Variants in STOML1 observed in about 807,000 individuals in gnomAD.
STOML1 encodes stomatin-like protein 1.
STOML1 carries 27 observed loss-of-function variants against 35.7 expected under a neutral mutation model. The ratio of observed to expected loss-of-function variants is 0.76; its 90% CI spans 0.56 to 1.04. The LOEUF is 1.04. STOML1 is among the 50% of genes least tolerant of loss of function. The probability of loss-of-function intolerance (pLI) is 0.00; values close to 1 mark genes in which losing one functional copy is unlikely to be tolerated. For synonymous variants in STOML1, 219 were observed against 227.9 expected, an observed-to-expected ratio of 0.96 and a Z score of 0.35; for missense variants, 451 against 527.1, an observed-to-expected ratio of 0.86 and a Z score of 1.41.
intron 1 of STOML1, chr15:73,990,911 C>T (rs567474864): frequency 6.5e-7 from 1 of 1,529,682 alleles, no homozygotes; most frequent in Non-Finnish European, 8.7e-7. Context: ...CAGAAGTGTG[C>T]TTTCCAGGAG....
At chr15:73,990,786 C>G in intron 1 of STOML1, 1 of 1,534,012 alleles carries the variant, frequency 6.5e-7, no homozygotes, top group Non-Finnish European at 8.7e-7. Context: ...GGTCAATCCT[C>G]TCGTTTAATT....
chr15:73,984,601 A>G, intron 6 of STOML1, 58 bp downstream of exon 6: 1 of 1,585,946 alleles, frequency 6.3e-7, no homozygotes, highest in Non-Finnish European at 8.6e-7. Flanking sequence ...CCACTGGGGT[A>G]GGTAACAAGA....
Position 73,990,412 on chromosome 15 carries a change from CTGATGAGGCCA to C in STOML1, c.168_178del (p.His56GlnfsTer53). On this transcript the variant is annotated frameshift_variant, in exon 2 of 7. Coordinates refer to ENST00000541638, the MANE Select transcript of STOML1 (RefSeq NM_004809.5). LOFTEE classifies it high-confidence loss of function. ...CAACAGCAGCAAGAACCCCAGGAAACTGATGAGGCCATGACAGAGGCAGGAGGGCCAGCTCT... is the reference window on the plus strand; with the variant it reads ...CAACAGCAGCAAGAACCCCAGGAAACTGACAGAGGCAGGAGGGCCAGCTCT... 6.2e-7 allele frequency: 1 copy of C among 1,614,148 alleles called. No individual in the cohort carries two copies. The highest frequency in any genetic ancestry group is 8.5e-7 in the Non-Finnish European group (1 of 1,180,012).
At position 73,983,100 on chromosome 15, in the gene STOML1, GGTCT is replaced by G. The variant is rs1372248089; in HGVS notation, c.*833_*836del. 1 of 152,122 alleles carries G rather than the reference GGTCT, an allele frequency of 6.6e-6. No individual in the cohort carries two copies. Among genetic ancestry groups the G allele is most frequent in the Non-Finnish European group, 1.5e-5 (1 of 68,036 alleles). 9.4% of individuals were successfully genotyped at this position (152,122 alleles called of 1,614,324 possible). A position where few individuals can be genotyped will look rare whatever the true frequency, so the allele number is the denominator to read the frequency against. On this transcript the variant is annotated 3_prime_UTR_variant, in exon 7 of 7. Transcript: ENST00000541638. ...GAGAAGGAGCTTCAAATATTGTGAGGGTCTGTCTGTGTCAGCCACCAGGATGTCA... is the reference window on the plus strand; with the variant it reads ...GAGAAGGAGCTTCAAATATTGTGAGGGTCTGTGTCAGCCACCAGGATGTCA...
chr15:73,991,781 G>C (rs750211687), intron 1 of STOML1: 4 of 572,268 alleles, frequency 7.0e-6, no homozygotes, highest in Non-Finnish European at 1.3e-5. Flanking sequence ...ATGCGAAATA[G>C]AAACCTGAAA....
intron 3 of STOML1, 39 bp downstream of exon 3, chr15:73,989,069 C>T (rs762493476): frequency 7.1e-6 from 11 of 1,545,792 alleles, no homozygotes; most frequent in Non-Finnish European, 6.1e-6. Flanking sequence ...CTGGACAGGC[C>T]CCCAGTTCCT....
intron 4 of STOML1, chr15:73,985,888 A>T (rs1189800773): frequency 8.7e-6 from 2 of 230,880 alleles, no homozygotes; most frequent in African/African-American, 4.7e-5. Flanking sequence ...TGAGGACTGG[A>T]GACAGCTGAG....
upstream of STOML1, chr15:73,992,368 C>T (rs969462225): frequency 1.3e-5 from 12 of 959,310 alleles, no homozygotes; most frequent in East Asian, 3.6e-5. Flanking sequence ...AAGAGGAGGC[C>T]GGCCGGGGCC....
rs7171694 is a variant in STOML1 at position 73,985,683 on chromosome 15, T to A, written c.595-170A>T. On this transcript the variant is annotated intron_variant, in intron 4 of 6. Transcript: ENST00000541638. Reference sequence around the variant, plus strand: ...GCAATGACCTTTCAGCTGTGGTAAGTGCCAAGACAGAAGCAAGGCCTGTGG... The same window carrying A: ...GCAATGACCTTTCAGCTGTGGTAAGAGCCAAGACAGAAGCAAGGCCTGTGG... The A allele has an allele frequency of 0.3, 237,470 of 793,866 alleles. 36,866 individuals carry two copies. Among genetic ancestry groups the A allele is most frequent in the African/African-American group, 0.36 (19,239 of 53,810 alleles). 49.2% of individuals were successfully genotyped at this position (793,866 alleles called of 1,614,324 possible). A position where few individuals can be genotyped will look rare whatever the true frequency, so the allele number is the denominator to read the frequency against.
At position 73,988,514 on chromosome 15, in the gene STOML1, G is replaced by A; in HGVS notation, c.594+85C>T. On this transcript the variant is annotated intron_variant, in intron 4 of 6. Coordinates refer to ENST00000541638, the MANE Select transcript of STOML1 (RefSeq NM_004809.5). The surrounding 1 kb of genome is among the most constrained non-coding windows in gnomAD (Gnocchi z 4.8). ...ATATGGTAAACTGAGGCCCAGAGTG[G>A]TCTGACTCTTTTCTCAAAGTGACCT... The A allele has an allele frequency of 6.6e-7, 1 of 1,513,546 alleles. No individual in the cohort carries two copies. Among genetic ancestry groups the A allele is most frequent in the Non-Finnish European group, 9.0e-7 (1 of 1,112,102 alleles). The allele number at this position is 1,513,546 out of a possible 1,614,324, so 93.8% of individuals were successfully genotyped here. A position where few individuals can be genotyped will look rare whatever the true frequency, so the allele number is the denominator to read the frequency against.
In STOML1 at chr15:73,984,869, C is replaced by T. The variant is rs774257397; in HGVS notation, c.793G>A (p.Asp265Asn). ...AGGAPSPGPADTVEMVSEVEP... is the reference protein window; with the variant it reads ...AGGAPSPGPANTVEMVSEVEP... ...ACTTCACTCACCATCTCCACGGTGT[C>T]TGCTGGGGGTGGCCAACAGGGTTGG... The change falls in exon 6 of 7, where the codon GAC (aspartate) becomes AAC (asparagine). Residue 265 changes from aspartate (D) to asparagine (N), a missense_variant and splice_region_variant. Asp to Asn is a conservative substitution (Grantham distance 23). Transcript: ENST00000541638. 3.3e-5 allele frequency: 54 copies of T among 1,613,832 alleles called. 2 individuals are homozygous for T. The South Asian group carries it at 5.7e-4, about 17-fold the overall frequency.
chr15:73,988,136 G>T lies in STOML1; in HGVS notation c.594+463C>A, dbSNP rs959169911. The T allele has an allele frequency of 1.3e-5, 2 of 158,740 alleles. No individual in the cohort carries two copies. The highest frequency in any genetic ancestry group is 4.8e-5 in the African/African-American group (2 of 41,654). The allele number at this position is 158,740 out of a possible 1,614,324, so 9.8% of individuals were successfully genotyped here. Reference sequence around the variant, plus strand: ...AGGAAAAAGATCCAAATGTCCTCATGTTCCTTTGTTCTGTTCCAAACAAGG... The same window carrying T: ...AGGAAAAAGATCCAAATGTCCTCATTTTCCTTTGTTCTGTTCCAAACAAGG... On this transcript the variant is annotated intron_variant, in intron 4 of 6. Coordinates refer to ENST00000541638, the MANE Select transcript of STOML1 (RefSeq NM_004809.5). This position sits in a 1 kb window ranked among gnomAD's most constrained non-coding sequence, Gnocchi z 4.8.
rs1383266989 is a variant in STOML1, at chr15:73,980,381, A to C, written c.*3556T>G. Reference sequence around the variant, plus strand: ...TAGCAAAACACAAGAAATAATCAAAATGTCTATCGGTCCACGACAGGTTGA... The same window carrying C: ...TAGCAAAACACAAGAAATAATCAAACTGTCTATCGGTCCACGACAGGTTGA... On this transcript the variant is annotated 3_prime_UTR_variant, in exon 7 of 7. Transcript: ENST00000541638. The C allele has an allele frequency of 1.3e-5, 2 of 152,224 alleles. No individual in the cohort carries two copies. Among genetic ancestry groups the C allele is most frequent in the African/African-American group, 4.8e-5 (2 of 41,456 alleles). The allele number at this position is 152,224 out of a possible 1,614,324, so 9.4% of individuals were successfully genotyped here.
chr15:73,992,053 G>T, intron 1 of STOML1, 38 bp downstream of exon 1: 2 of 1,525,162 alleles, frequency 1.3e-6, no homozygotes, highest in South Asian at 2.4e-5. Context: ...GTTGCCGGCC[G>T]GTCCCCCCCG....
rs1240015284 is a variant in STOML1 at position 73,992,134 on chromosome 15, C to T, written c.90G>A (p.Lys30=). ...CGCCCCGCTCCGGGGACAAGCAGCCCTTCTGCGAGCCCAGAAAGCCGAAGC... is the reference window on the plus strand; with the variant it reads ...CGCCCCGCTCCGGGGACAAGCAGCCTTTCTGCGAGCCCAGAAAGCCGAAGC... ...QSSFGFLGSQ[K]GCLSPERGGV... is the part of the protein sequence containing the mutation. The change falls in exon 1 of 7, where the codon AAG becomes AAA. Residue 30 remains lysine (K), a synonymous_variant. Coordinates refer to ENST00000541638, the MANE Select transcript of STOML1 (RefSeq NM_004809.5). The T allele has an allele frequency of 1.2e-6, 2 of 1,607,274 alleles. No individual in the cohort carries two copies. Among genetic ancestry groups the T allele is most frequent in the Non-Finnish European group, 1.7e-6 (2 of 1,177,680 alleles).
Position 73,978,963 on chromosome 15 carries a change from C to G in STOML1, c.*4974G>C, listed in dbSNP as rs2068930617. On this transcript the variant is annotated 3_prime_UTR_variant, in exon 7 of 7. Transcript: ENST00000541638. ...GAGGAGCTTTATTTAATAACCAAAC[C>G]TGAAAACTACTCAAATGTTCATCAA... The G allele has an allele frequency of 6.6e-6, 1 of 152,172 alleles. No homozygotes were observed. Among genetic ancestry groups the G allele is most frequent in the South Asian group, 2.1e-4 (1 of 4,824 alleles). The allele number at this position is 152,172 out of a possible 1,614,324, so 9.4% of individuals were successfully genotyped here.
At chr15:73,984,591 C>A in intron 6 of STOML1, 68 bp downstream of exon 6, 1 of 1,575,116 alleles carries the variant, frequency 6.3e-7, no homozygotes, top group Non-Finnish European at 8.7e-7. Flanking sequence ...TACGAGAGCA[C>A]CACTGGGGTA....
upstream of STOML1, among the ~76,000 whole-genome samples, chr15:73,992,982 G>T (rs1327819433): frequency 3.3e-5 from 5 of 152,178 alleles, no homozygotes; most frequent in African/African-American, 4.8e-5. Flanking sequence ...AGCAGGGACT[G>T]GCATAGGGCA....
chr15:73,994,612 T>C, upstream of STOML1: 1 of 631,318 alleles, frequency 1.6e-6, no homozygotes, highest in Non-Finnish European at 2.9e-6. Context: ...TGGGCGTGTC[T>C]TTAAAACCCA....
Sources: allele counts gnomAD v4.1 joint callset (sites outside exome capture counted in the v4.1 genomes callset), GRCh38; gene constraint gnomAD v4.1.1; non-coding constraint Gnocchi (gnomAD v3.1); transcripts MANE v1.5; gene names NCBI Gene and HGNC (gene_info 2026-07-23, HGNC 2026-07-21).